The following LPCAT2 variants were observed in gnomAD, a reference collection of about 807,000 sequenced individuals.
The protein encoded by LPCAT2 is 1-AGP acyltransferase 11.
LPCAT2 carries 58 observed loss-of-function variants against 64.7 expected under a neutral mutation model. The ratio of observed to expected loss-of-function variants is 0.90; its 90% CI spans 0.73 to 1.12. The LOEUF is 1.12. Among genes scored for constraint, LPCAT2 ranks in the 50% most tolerant of loss-of-function variants. The probability of loss-of-function intolerance (pLI) is 0.00; values close to 1 mark genes in which losing one functional copy is unlikely to be tolerated. For synonymous variants in LPCAT2, 252 were observed against 245.3 expected, an observed-to-expected ratio of 1.03 and a Z score of -0.26; for missense variants, 579 against 669.8, an observed-to-expected ratio of 0.86 and a Z score of 1.50.
intron 11 of LPCAT2, 137 bp downstream of exon 11, chr16:55,551,239 TTTTG>T (rs1963514098): frequency 3.0e-6 from 2 of 674,054 alleles, no homozygotes; most frequent in South Asian, 8.7e-5. Context: ...AATTGCATGA[TTTTG>T]TTTTTTTCTC....
At chr16:55,575,342 A>G (rs1963815673) in intron 12 of LPCAT2, among the ~76,000 whole-genome samples, 1 of 152,162 alleles carries the variant, frequency 6.6e-6, no homozygotes, top group Non-Finnish European at 1.5e-5. Flanking sequence ...TTTGAAGACC[A>G]TTTGCTTACA....
chr16:55,539,191 CTTT>C (rs1241408543), intron 8 of LPCAT2: 2 of 139,544 alleles, frequency 1.4e-5, no homozygotes, highest in African/African-American at 5.3e-5. Flanking sequence ...TCAGATTCCT[CTTT>C]TTTTTTTTGT....
chr16:55,567,000 C>T lies in LPCAT2; in HGVS notation c.1216-7631C>T, dbSNP rs754428894. Reference sequence around the variant, plus strand: ...AGAAAGTGAGGAAGTTAGGCGATTTCGGCAACAATTTACACAGCTGGCTGG... The same window carrying T: ...AGAAAGTGAGGAAGTTAGGCGATTTTGGCAACAATTTACACAGCTGGCTGG... On this transcript the variant is annotated intron_variant, in intron 11 of 13. Transcript: ENST00000262134. 7.2e-5 allele frequency: 117 copies of T among 1,613,876 alleles called. No individual in the cohort carries two copies. The highest frequency in any genetic ancestry group is 9.4e-5 in the Non-Finnish European group (111 of 1,179,878).
chr16:55,535,466 T>C (rs990141210), intron 7 of LPCAT2, among the ~76,000 whole-genome samples: 4 of 152,230 alleles, frequency 2.6e-5, no homozygotes, highest in Admixed American at 6.5e-5. Flanking sequence ...GAAACACTTA[T>C]ATTCTTGTTA....
At chr16:55,579,772 A>G (rs576020879) in intron 13 of LPCAT2, among the ~76,000 whole-genome samples, 1 of 152,356 alleles carries the variant, frequency 6.6e-6, no homozygotes, top group South Asian at 2.1e-4. Flanking sequence ...GATGTTTACT[A>G]TTAGTGACCT....
chr16:55,564,879 G>A (rs1963675317), intron 11 of LPCAT2, among the ~76,000 whole-genome samples: 1 of 151,802 alleles, frequency 6.6e-6, no homozygotes, highest in Non-Finnish European at 1.5e-5. Context: ...TGCATCAAAG[G>A]ACACTAACAA....
chr16:55,514,801 A>G (rs1962984643), intron 1 of LPCAT2, among the ~76,000 whole-genome samples: 1 of 152,166 alleles, frequency 6.6e-6, no homozygotes, highest in Admixed American at 6.5e-5. Context: ...ATATGGTCCA[A>G]TAACTAAAGG....
chr16:55,578,060 C>G (rs765312105), intron 12 of LPCAT2, among the ~76,000 whole-genome samples: 4 of 152,114 alleles, frequency 2.6e-5, no homozygotes, highest in Admixed American at 2.0e-4. Context: ...CCTGAACACA[C>G]CCCCTTAGCT....
At chr16:55,518,113 C>G (rs1405545774) in intron 1 of LPCAT2, among the ~76,000 whole-genome samples, 2 of 152,022 alleles carry the variant, frequency 1.3e-5, no homozygotes, top group Non-Finnish European at 2.9e-5. Context: ...GATACAAGAT[C>G]AATATACAAA....
At chr16:55,553,187 G>A (rs194172) in intron 11 of LPCAT2, among the ~76,000 whole-genome samples, 124,843 of 152,078 alleles carry the variant, frequency 0.82, 53,485 homozygotes, top group Non-Finnish European at 0.94. Flanking sequence ...GCAATGGGCC[G>A]AGATCATGCC....
At chr16:55,509,411 G>C in intron 1 of LPCAT2, 59 bp downstream of exon 1, 5 of 1,199,298 alleles carry the variant, frequency 4.2e-6, no homozygotes, top group Non-Finnish European at 5.4e-6. Flanking sequence ...TCAGAGGGGG[G>C]TCCAGGTAAG....
intron 1 of LPCAT2, among the ~76,000 whole-genome samples, chr16:55,524,829 C>G (rs969874571): frequency 1.3e-5 from 2 of 151,978 alleles, no homozygotes; most frequent in Non-Finnish European, 2.9e-5. Flanking sequence ...CAATTTAACT[C>G]CCTCTGTGTT....
chr16:55,585,317 T>A lies in LPCAT2; in HGVS notation c.*2219T>A, dbSNP rs1963932814. 6.6e-6 allele frequency: 1 copy of A among 152,190 alleles called. No homozygotes were observed. The highest frequency in any genetic ancestry group is 1.5e-5 in the Non-Finnish European group (1 of 68,020). The allele number at this position is 152,190 out of a possible 1,614,324, so 9.4% of individuals were successfully genotyped here. On this transcript the variant is annotated 3_prime_UTR_variant, in exon 14 of 14. Coordinates refer to ENST00000262134, the MANE Select transcript of LPCAT2 (RefSeq NM_017839.5). ...TGAAATGTCAGAAATGATTTTACTC[T>A]AATGAAACTCAAATTTTGCCCAAAG...
At chr16:55,569,602 C>T (rs1407560321) in intron 11 of LPCAT2, among the ~76,000 whole-genome samples, 12 of 152,220 alleles carry the variant, frequency 7.9e-5, no homozygotes, top group East Asian at 3.8e-4. Flanking sequence ...AATCATCTCA[C>T]ACTAGGAGTG....
chr16:55,575,505 G>A (rs1321379864), intron 12 of LPCAT2, among the ~76,000 whole-genome samples: 2 of 152,114 alleles, frequency 1.3e-5, no homozygotes, highest in Non-Finnish European at 2.9e-5. Context: ...GTCTTGCTAA[G>A]CTATGTATAT....
chr16:55,574,818 T>A, intron 12 of LPCAT2, 89 bp downstream of exon 12: 1 of 918,870 alleles, frequency 1.1e-6, no homozygotes, highest in Non-Finnish European at 1.8e-6. Context: ...GTGAATCTAT[T>A]ATGTGATTTT....
chr16:55,567,058 T>G, intron 11 of LPCAT2: 1 of 1,613,876 alleles, frequency 6.2e-7, no homozygotes, highest in Non-Finnish European at 8.5e-7. Context: ...ACTGATCTGA[T>G]GAATATTCTC....
intron 6 of LPCAT2, among the ~76,000 whole-genome samples, chr16:55,533,622 A>G (rs1321358836): frequency 6.6e-6 from 1 of 151,896 alleles, no homozygotes; most frequent in African/African-American, 2.4e-5. Context: ...CATGTTGACC[A>G]GGCTGGTCTT....
chr16:55,543,776 T>C (rs1963422675), intron 8 of LPCAT2, among the ~76,000 whole-genome samples: 2 of 152,218 alleles, frequency 1.3e-5, no homozygotes, highest in Non-Finnish European at 2.9e-5. Context: ...TTTTTTCATT[T>C]GACAGGAGAG....
Sources: allele counts gnomAD v4.1 joint callset (sites outside exome capture counted in the v4.1 genomes callset), GRCh38; gene constraint gnomAD v4.1.1; transcripts MANE v1.5; gene names NCBI Gene and HGNC (gene_info 2026-07-23, HGNC 2026-07-21).